Variants in FKBP15 observed in about 807,000 individuals in gnomAD.
FKBP15 encodes the protein FKBP prolyl isomerase family member 15, also known as FK506-binding protein 15.
Under a neutral mutation model 158.1 loss-of-function variants are expected in FKBP15, and 106 were observed. That is an observed-to-expected ratio of 0.67 (90% confidence interval 0.57 to 0.79). FKBP15 has a LOEUF of 0.79. Among genes scored for constraint, FKBP15 ranks in the 30% least tolerant of loss-of-function variants. FKBP15 has a pLI of 0.00. For synonymous variants in FKBP15, 547 were observed against 548.6 expected (o/e 1.00, Z 0.04); for missense variants, 1,287 against 1,479.1 (o/e 0.87, Z 2.13).
intron 3 of FKBP15, chr9:113,206,954 T>C (rs1230999452): frequency 2.4e-5 from 11 of 458,728 alleles, no homozygotes; most frequent in Non-Finnish European, 3.9e-5. Flanking sequence ...ATTCATGCTA[T>C]CTCAGTGGAG....
At chr9:113,174,637 G>C (rs1830271463) in intron 21 of FKBP15, 54 bp from the exon 22 acceptor site, 9 of 1,538,540 alleles carry the variant, frequency 5.8e-6, no homozygotes, top group Non-Finnish European at 7.0e-6. Flanking sequence ...AGAATAAAGA[G>C]GGATGATGGC....
rs1268581692 is a variant in FKBP15, at chr9:113,162,598, G to A, written c.*3480C>T. ...TTTTTTCTGGGGGCGGGGGTGGGAG[G>A]GGCAGAAAGAAATCACTCCTGGGTT... On this transcript the variant is annotated 3_prime_UTR_variant, in exon 28 of 28. Coordinates refer to ENST00000238256, the MANE Select transcript of FKBP15 (RefSeq NM_015258.2). The A allele has an allele frequency of 3.2e-6, 2 of 624,110 alleles. No homozygotes were observed. Among genetic ancestry groups the A allele is most frequent in the South Asian group, 2.6e-5 (1 of 38,928 alleles). The allele number at this position is 624,110 out of a possible 1,614,324, so 38.7% of individuals were successfully genotyped here.
rs754073510 is a variant in FKBP15, at chr9:113,166,101, C to T, written c.3637G>A (p.Asp1213Asn). 3.5e-5 allele frequency: 57 copies of T among 1,613,466 alleles called. No individual in the cohort carries two copies. The South Asian group carries it at 5.2e-4, about 15-fold the overall frequency. Reference protein sequence around the residue: ...TPLFGDDDDDDDIDWLG With the variant: ...TPLFGDDDDDNDIDWLG The stretch of plus-strand genomic sequence containing the variant: ...CTTCATCCCAGCCAGTCAATGTCAT[C>T]GTCATCATCATCATCTCCAAAAAGG... Residue 1213 changes from aspartate (D) to asparagine (N), a missense_variant, in exon 28 of 28, where the codon GAT becomes AAT. Transcript: ENST00000238256.
Position 113,184,904 on chromosome 9 carries a change from C to A in FKBP15, c.1499-100G>T. The A allele has an allele frequency of 1.1e-6, 1 of 872,570 alleles. No homozygotes were observed. The highest frequency in any genetic ancestry group is 1.8e-6 in the Non-Finnish European group (1 of 560,408). 54.1% of individuals were successfully genotyped at this position (872,570 alleles called of 1,614,324 possible). On this transcript the variant is annotated intron_variant, in intron 15 of 27. Transcript: ENST00000238256. The surrounding 1 kb of genome is among the most constrained non-coding windows in gnomAD (Gnocchi z 4.5). ...CTTCCAGTAAAGAAAGAAATTAATACTTCCATACACTAGGAAATGCTATAG... is the reference window on the plus strand; with the variant it reads ...CTTCCAGTAAAGAAAGAAATTAATAATTCCATACACTAGGAAATGCTATAG...
At chr9:113,174,733 T>A (rs192670601) in intron 21 of FKBP15, 150 bp from the exon 22 acceptor site, 364 of 867,252 alleles carry the variant, frequency 4.2e-4, no homozygotes, top group South Asian at 8.7e-4. Context: ...ATATTTAACA[T>A]TCTTGGCTAC....
rs1465059405 is a variant in FKBP15, at chr9:113,162,950, G to A, written c.*3128C>T. 2 of 1,546,104 alleles carry A rather than the reference G, an allele frequency of 1.3e-6. No homozygotes were observed. Among genetic ancestry groups the A allele is most frequent in the East Asian group, 2.4e-5 (1 of 41,488 alleles). Reference sequence around the variant, plus strand: ...GGAACGTGCAGGCACTGAGGCTGGAGGGACATGGAGCCCCCTCTTCCAGAC... The same window carrying A: ...GGAACGTGCAGGCACTGAGGCTGGAAGGACATGGAGCCCCCTCTTCCAGAC... On this transcript the variant is annotated 3_prime_UTR_variant, in exon 28 of 28. Transcript: ENST00000238256.
intron 27 of FKBP15, among the ~76,000 whole-genome samples, chr9:113,167,574 G>A (rs1332083738): frequency 6.6e-6 from 1 of 152,202 alleles, no homozygotes; most frequent in African/African-American, 2.4e-5. Flanking sequence ...GCAAGCTGGA[G>A]CATAGATCCA....
At chr9:113,183,634 A>C in intron 18 of FKBP15, 117 bp downstream of exon 18, 1 of 680,432 alleles carries the variant, frequency 1.5e-6, no homozygotes, top group East Asian at 2.6e-5. Flanking sequence ...GACAGGCAGG[A>C]AACAGAAATG....
intron 2 of FKBP15, among the ~76,000 whole-genome samples, chr9:113,207,995 G>A (rs1253690481): frequency 1.3e-5 from 2 of 152,148 alleles, no homozygotes; most frequent in Admixed American, 1.3e-4. Flanking sequence ...CTGTCTTCTA[G>A]GGTGGGAAAT....
intron 3 of FKBP15, 119 bp downstream of exon 3, chr9:113,207,093 T>A: frequency 1.3e-6 from 1 of 746,492 alleles, no homozygotes; most frequent in Non-Finnish European, 2.3e-6. Context: ...CTACTGATAT[T>A]TTGTCCGTGG....
intron 6 of FKBP15, 123 bp downstream of exon 6, chr9:113,202,408 G>T (rs1012328353): frequency 2.9e-5 from 18 of 615,430 alleles, no homozygotes; most frequent in Non-Finnish European, 4.4e-5. Flanking sequence ...AAATTTAGTG[G>T]GTTTTTTATG....
intron 19 of FKBP15, among the ~76,000 whole-genome samples, chr9:113,182,297 C>A (rs894463749): frequency 9.2e-5 from 14 of 152,122 alleles, no homozygotes; most frequent in Non-Finnish European, 1.3e-4. Context: ...ATCAGCAGAT[C>A]CCAATCCAAG....
intron 2 of FKBP15, among the ~76,000 whole-genome samples, chr9:113,210,504 T>C (rs756823509): frequency 1.3e-5 from 2 of 152,170 alleles, no homozygotes; most frequent in Admixed American, 6.5e-5. Flanking sequence ...AGCTAATTTT[T>C]GTACTTTTAG....
At chr9:113,168,642 G>T in intron 26 of FKBP15, 86 bp from the exon 27 acceptor site, 1 of 1,165,778 alleles carries the variant, frequency 8.6e-7, no homozygotes, top group Non-Finnish European at 1.3e-6. Context: ...CCGGCCCTTG[G>T]GTAAGAATTC....
In FKBP15 at chr9:113,190,458, C is replaced by T. The variant is rs776605291; in HGVS notation, c.1173+13G>A. 1 of 1,585,648 alleles carries T rather than the reference C, an allele frequency of 6.3e-7. No individual in the cohort carries two copies. Among genetic ancestry groups the T allele is most frequent in the African/African-American group, 1.3e-5 (1 of 74,590 alleles). ...TCTGTACTATTCATTCTAATACAGC[C>T]AGGGGGACATACTTCGATTTCTGAA... On this transcript the variant is annotated intron_variant, in intron 12 of 27. Coordinates refer to ENST00000238256, the MANE Select transcript of FKBP15 (RefSeq NM_015258.2).
chr9:113,188,538 T>A, intron 12 of FKBP15, 47 bp from the exon 13 acceptor site: 1 of 1,481,486 alleles, frequency 6.7e-7, no homozygotes, highest in Non-Finnish European at 9.4e-7. Flanking sequence ...GGGTCCCTCA[T>A]TGAAGACTGA....
intron 11 of FKBP15, among the ~76,000 whole-genome samples, chr9:113,190,812 C>A (rs776147483): frequency 6.6e-5 from 10 of 152,140 alleles, no homozygotes; most frequent in Non-Finnish European, 1.0e-4. Context: ...AGTGGTTTCA[C>A]ATACATTGCC....
At chr9:113,168,736 G>A (rs1302972494) in intron 26 of FKBP15, among the ~76,000 whole-genome samples, 180 bp from the exon 27 acceptor site, 4 of 152,066 alleles carry the variant, frequency 2.6e-5, no homozygotes, top group Admixed American at 1.3e-4. Context: ...CTCCTAGTGC[G>A]GTTGGCCCCC....
In FKBP15 at chr9:113,163,056, A is replaced by G; in HGVS notation, c.*3022T>C. 3 of 802,050 alleles carry G rather than the reference A, an allele frequency of 3.7e-6. No homozygotes were observed. The highest frequency in any genetic ancestry group is 5.5e-6 in the Non-Finnish European group (3 of 541,514). The allele number at this position is 802,050 out of a possible 1,614,324, so 49.7% of individuals were successfully genotyped here. ...CCCCTGGAAACTTTGAGCTGAAGCCAGCACTTGCTCCCTGGAGTTCGGAAG... is the reference window on the plus strand; with the variant it reads ...CCCCTGGAAACTTTGAGCTGAAGCCGGCACTTGCTCCCTGGAGTTCGGAAG... On this transcript the variant is annotated 3_prime_UTR_variant, in exon 28 of 28. Coordinates refer to ENST00000238256, the MANE Select transcript of FKBP15 (RefSeq NM_015258.2).
Sources: gnomAD v4.1 joint callset for allele counts (sites outside exome capture counted in the v4.1 genomes callset) on GRCh38, gnomAD v4.1.1 for gene constraint, Gnocchi (gnomAD v3.1) non-coding constraint, MANE v1.5 for transcripts, NCBI Gene and HGNC (gene_info 2026-07-23, HGNC 2026-07-21) for gene names.